ZFHX3: variants seen among roughly 807,000 people sequenced by gnomAD.
The protein encoded by ZFHX3 is zinc finger homeobox protein 3.
Under a neutral mutation model 279.1 loss-of-function variants are expected in ZFHX3, and 42 were observed. That is an observed-to-expected ratio of 0.15 (90% CI 0.12 to 0.19). The LOEUF is 0.19. Ranked by LOEUF, ZFHX3 falls within the 10% of genes least tolerant of loss-of-function variation. The probability of loss-of-function intolerance (pLI) is 1.00; values close to 1 mark genes in which losing one functional copy is unlikely to be tolerated. For synonymous variants in ZFHX3, 2,293 were observed against 1,957.8 expected, an observed-to-expected ratio of 1.17 and a Z score of -4.52; for missense variants, 4,981 against 4,754.0, an observed-to-expected ratio of 1.05 and a Z score of -1.40.
chr16:73,671,463 T>G (rs534231533), intron 2 of ZFHX3, among the ~76,000 whole-genome samples: 1 of 152,208 alleles, frequency 6.6e-6, no homozygotes, highest in East Asian at 1.9e-4. Context: ...AAATACATGG[T>G]TGGTACCAAC....
chr16:73,114,384 T>C (rs1321477242), intron 7 of ZFHX3, among the ~76,000 whole-genome samples: 3 of 152,128 alleles, frequency 2.0e-5, no homozygotes, highest in Admixed American at 6.5e-5. Context: ...TTATCAGAAA[T>C]TGGGTAAACT....
chr16:73,095,329 T>C (rs1461589455), intron 7 of ZFHX3, among the ~76,000 whole-genome samples: 2 of 152,168 alleles, frequency 1.3e-5, no homozygotes, highest in African/African-American at 4.8e-5. Flanking sequence ...AATCCCACAC[T>C]GCCAGCCCCC....
intron 2 of ZFHX3, among the ~76,000 whole-genome samples, chr16:73,567,845 C>T (rs1405759813): frequency 1.3e-5 from 2 of 151,316 alleles, no homozygotes; most frequent in East Asian, 3.8e-4. Context: ...CTCTTTGTTT[C>T]AGTGAAAAAT....
upstream of ZFHX3, chr16:73,060,684 C>G (rs1306452830): frequency 6.6e-6 from 1 of 152,114 alleles, no homozygotes; most frequent in African/African-American, 2.4e-5. Flanking sequence ...ATGCAATCAG[C>G]ACTTTAAGTA....
rs751768690 is a variant in ZFHX3, at chr16:72,957,783, C to T, written c.2363G>A (p.Ser788Asn). Residue 788 changes from serine (S) to asparagine (N), a missense_variant, in exon 2 of 10, where the codon AGC becomes AAC. Transcript: ENST00000268489. ...GGTCGGCGAGGGGGCCCCGCAGGAG[C>T]TACTGATATTGGCTGCCGCCGCCGC... ...AAAAAAANIS[S>N]SCGAPSPTKP... 3 of 1,613,964 alleles carry T rather than the reference C, an allele frequency of 1.9e-6. No homozygotes were observed. The highest frequency in any genetic ancestry group is 2.5e-6 in the Non-Finnish European group (3 of 1,179,994).
chr16:72,811,510 GC>G, intron 7 of ZFHX3, 66 bp downstream of exon 7: 1 of 1,403,084 alleles, frequency 7.1e-7, no homozygotes, highest in Non-Finnish European at 9.6e-7. Context: ...ACAGTATCTT[GC>G]CCATGTTACT....
rs1332826386 is a variant in ZFHX3, at chr16:72,797,665, T to C, written c.5017A>G (p.Ile1673Val). ...CTTAGTAAGTTAGAGCTTGGAGCAA[T>C]GCCAGCACTGCTTGGATTGGAGGTG... ...FTTSNPSSAGIAPSSNLLSQV... is the reference protein window; with the variant it reads ...FTTSNPSSAGVAPSSNLLSQV... Residue 1673 changes from isoleucine to valine, a missense_variant, in exon 9 of 10, where the codon ATT (isoleucine) becomes GTT (valine). Transcript: ENST00000268489. The C allele has an allele frequency of 6.2e-7, 1 of 1,614,036 alleles. No homozygotes were observed. Among genetic ancestry groups the C allele is most frequent in the African/African-American group, 1.3e-5 (1 of 74,908 alleles).
At chr16:73,695,682 C>T (rs1190332319) in intron 1 of ZFHX3, among the ~76,000 whole-genome samples, 4 of 152,316 alleles carry the variant, frequency 2.6e-5, no homozygotes, top group Admixed American at 6.5e-5. Flanking sequence ...AGGGATAATT[C>T]GCCCTTTCCT....
chr16:73,555,687 C>T (rs2020268122), intron 2 of ZFHX3, among the ~76,000 whole-genome samples: 1 of 151,722 alleles, frequency 6.6e-6, no homozygotes, highest in Non-Finnish European at 1.5e-5. Context: ...AAAAAATTAG[C>T]CGGGCGTGGT....
chr16:73,637,874 G>A (rs2052542130), intron 2 of ZFHX3, among the ~76,000 whole-genome samples: 1 of 152,020 alleles, frequency 6.6e-6, no homozygotes, highest in Non-Finnish European at 1.5e-5. Context: ...ACTGACTTAG[G>A]CAATTTTGTA....
At chr16:73,167,419 A>AG (rs1967400201) in intron 5 of ZFHX3, among the ~76,000 whole-genome samples, 1 of 152,240 alleles carries the variant, frequency 6.6e-6, no homozygotes, top group Non-Finnish European at 1.5e-5. Context: ...AGAAGAACTT[A>AG]AGCAGTTAAT....
intron 5 of ZFHX3, among the ~76,000 whole-genome samples, chr16:72,814,170 T>C (rs1373511351): frequency 6.6e-6 from 1 of 152,036 alleles, no homozygotes; most frequent in Non-Finnish European, 1.5e-5. Context: ...AGGCTCAGGG[T>C]ATATATAGTT....
intron 3 of ZFHX3, among the ~76,000 whole-genome samples, chr16:73,444,117 T>C (rs1314269306): frequency 6.6e-6 from 1 of 152,180 alleles, no homozygotes; most frequent in Non-Finnish European, 1.5e-5. Flanking sequence ...TGCCACCTGA[T>C]ATCCTAGATT....
chr16:73,414,700 T>C (rs2017535898), intron 3 of ZFHX3, among the ~76,000 whole-genome samples: 1 of 152,082 alleles, frequency 6.6e-6, no homozygotes, highest in East Asian at 1.9e-4. Flanking sequence ...CCACCAGGCA[T>C]GGGGGCACGT....
At position 72,787,397 on chromosome 16, in the gene ZFHX3, C is replaced by T. The variant is rs779092573; in HGVS notation, c.10879G>A (p.Ala3627Thr). Residue 3627 changes from alanine (A) to threonine (T), a missense_variant, in exon 10 of 10, where the codon GCG becomes ACG. By Grantham distance (58) the Ala-to-Thr change is moderately conservative (BLOSUM62 0). This residue lies in a region of ZFHX3 where 1,034 missense variants were observed against 786.0 expected (regional missense o/e 1.32). Coordinates refer to ENST00000268489, the MANE Select transcript of ZFHX3 (RefSeq NM_006885.4). ...WPQVVSRASA[A>T]KPPSFPPLSS... ...AGAGGAGGAAAAGAAGGGGGCTTCG[C>T]TGCCGAAGCCCGGGAGACCACTTGC... 2 of 1,602,028 alleles carry T rather than the reference C, an allele frequency of 1.2e-6. No homozygotes were observed. The highest frequency in any genetic ancestry group is 3.4e-5 in the Admixed American group (2 of 59,220).
intron 3 of ZFHX3, among the ~76,000 whole-genome samples, chr16:73,348,963 T>G (rs2016171864): frequency 6.6e-6 from 1 of 152,212 alleles, no homozygotes. Context: ...GAAAATATAC[T>G]TTTAAAAGAA....
chr16:73,488,131 C>T (rs2019004828), intron 2 of ZFHX3, among the ~76,000 whole-genome samples: 1 of 152,116 alleles, frequency 6.6e-6, no homozygotes, highest in Non-Finnish European at 1.5e-5. Context: ...GGTACAAGGT[C>T]CTCACAAAAG....
At chr16:73,464,453 G>GAA (rs34147553) in intron 2 of ZFHX3, among the ~76,000 whole-genome samples, 9 of 131,562 alleles carry the variant, frequency 6.8e-5, no homozygotes, top group East Asian at 2.0e-4. Flanking sequence ...ATCAATTTAA[G>GAA]AAAAAAAAAA....
At chr16:73,120,559 C>T (rs1279354582) in intron 7 of ZFHX3, among the ~76,000 whole-genome samples, 3 of 152,094 alleles carry the variant, frequency 2.0e-5, no homozygotes, top group African/African-American at 7.2e-5. Context: ...CAGGCATGAG[C>T]CACTGTGCCT....
Sources: allele counts gnomAD v4.1 joint callset (sites outside exome capture counted in the v4.1 genomes callset), GRCh38; gene constraint gnomAD v4.1.1; regional missense constraint gnomAD v4.1.1; transcripts MANE v1.5; gene names NCBI Gene and HGNC (gene_info 2026-07-23, HGNC 2026-07-21).